The following HPSE variants were observed in gnomAD, a reference collection of about 807,000 sequenced individuals.
HPSE encodes the protein endo-glucoronidase.
In HPSE, 48 loss-of-function variants were observed where a neutral mutation model predicts 65.1. The ratio of observed to expected loss-of-function variants is 0.74; its 90% CI spans 0.58 to 0.94. The LOEUF is 0.94. HPSE is among the 40% of genes least tolerant of loss of function. HPSE has a pLI of 0.00. For missense variants in HPSE, 644 were observed against 637.5 expected (o/e 1.01, Z -0.11); for synonymous variants, 243 against 260.0 (o/e 0.93, Z 0.63).
At position 83,294,420 on chromosome 4, in the gene HPSE, A is replaced by G. The variant is rs1449296037; in HGVS notation, c.*924T>C. The G allele has an allele frequency of 6.6e-6, 1 of 152,162 alleles. No homozygotes were observed. Among genetic ancestry groups the G allele is most frequent in the Non-Finnish European group, 1.5e-5 (1 of 68,066 alleles). The allele number at this position is 152,162 out of a possible 1,614,324, so 9.4% of individuals were successfully genotyped here. A position where few individuals can be genotyped will look rare whatever the true frequency, so the allele number is the denominator to read the frequency against. On this transcript the variant is annotated 3_prime_UTR_variant, in exon 12 of 12. Transcript: ENST00000311412. ...GTGGCTAATCGCTGTCCCCACAGGT[A>G]TTATAGTCTTTCGCTGACTAGCAAC...
Position 83,313,257 on chromosome 4 carries a change from G to C in HPSE, c.530C>G (p.Ala177Gly), listed in dbSNP as rs200013026. The C allele has an allele frequency of 2.6e-4, 425 of 1,613,682 alleles. No individual in the cohort carries two copies. The highest frequency in any genetic ancestry group is 5.2e-4 in the Admixed American group (31 of 59,930). Reference protein sequence around the residue: ...RSSVDVLYTFANCSGLDLIFG... With the variant: ...RSSVDVLYTFGNCSGLDLIFG... Reference sequence around the variant, plus strand: ...GATCAAGTCCAGTCCTGAGCAGTTTGCAAAAGTGTATAGCACATCTACAGA... The same window carrying C: ...GATCAAGTCCAGTCCTGAGCAGTTTCCAAAAGTGTATAGCACATCTACAGA... The change falls in exon 4 of 12, where the codon GCA becomes GGA. Residue 177 changes from alanine (A) to glycine (G), a missense_variant. Physicochemically the swap from Ala to Gly is moderately conservative, Grantham distance 60. Transcript: ENST00000311412.
chr4:83,322,406 A>C lies in HPSE; in HGVS notation c.228-42T>G, dbSNP rs748174160. On this transcript the variant is annotated intron_variant, in intron 1 of 11. Transcript: ENST00000311412. ...CAAGAAAGTATAACTATTTTTTCCAAGACAATCTAGTCAAACATTCTTACT... is the reference window on the plus strand; with the variant it reads ...CAAGAAAGTATAACTATTTTTTCCACGACAATCTAGTCAAACATTCTTACT... 5 of 1,532,548 alleles carry C rather than the reference A, an allele frequency of 3.3e-6. No individual in the cohort carries two copies. In the African/African-American group the frequency reaches 6.9e-5, roughly 21 times the overall value. 94.9% of individuals were successfully genotyped at this position (1,532,548 alleles called of 1,614,324 possible). A position where few individuals can be genotyped will look rare whatever the true frequency, so the allele number is the denominator to read the frequency against.
At chr4:83,307,727 T>C in intron 8 of HPSE, among the ~76,000 whole-genome samples, 1 of 152,138 alleles carries the variant, frequency 6.6e-6, no homozygotes, top group East Asian at 1.9e-4. Flanking sequence ...AACAAACATC[T>C]CCATTCTTTA....
chr4:83,332,164 T>A (rs1389881603), intron 1 of HPSE, among the ~76,000 whole-genome samples: 2 of 152,244 alleles, frequency 1.3e-5, no homozygotes, highest in Non-Finnish European at 2.9e-5. Flanking sequence ...CGCCCACACA[T>A]CTTCACTTTT....
chr4:83,301,060 G>A lies in HPSE; in HGVS notation c.1372C>T (p.His458Tyr). ...AACCGCAAGTACTTGGTGACATTAT[G>A]GAGGTTTATGGCATACAGAGTTAAA... ...GDLTLYAINL[H>Y]NVTKYLRLPY... The change falls in exon 11 of 12, where the codon CAT (histidine) becomes TAT (tyrosine). Residue 458 changes from histidine (H) to tyrosine (Y), a missense_variant. Transcript: ENST00000311412. The A allele has an allele frequency of 6.2e-7, 1 of 1,606,556 alleles. No homozygotes were observed. The highest frequency in any genetic ancestry group is 8.5e-7 in the Non-Finnish European group (1 of 1,175,242).
intron 11 of HPSE, among the ~76,000 whole-genome samples, chr4:83,295,939 A>G (rs1735707587): frequency 6.6e-6 from 1 of 152,222 alleles, no homozygotes; most frequent in African/African-American, 2.4e-5. Context: ...TTTAGCATAA[A>G]TGGTAGCCAA....
At chr4:83,309,001 G>C in intron 7 of HPSE, 50 bp from the exon 8 acceptor site, 1 of 1,442,482 alleles carries the variant, frequency 6.9e-7, no homozygotes, top group Non-Finnish European at 9.8e-7. Context: ...CTGACCTGTG[G>C]TTTCAACTGT....
At chr4:83,329,308 C>T (rs1354556478) in intron 1 of HPSE, among the ~76,000 whole-genome samples, 1 of 152,036 alleles carries the variant, frequency 6.6e-6, no homozygotes, top group African/African-American at 2.4e-5. Flanking sequence ...TTTCCATTTC[C>T]AGGTTTTTGG....
chr4:83,313,149 G>A lies in HPSE; in HGVS notation c.638C>T (p.Ser213Phe). Reference sequence around the variant, plus strand: ...TTCCCAAGAAATGTTATACCCCTTGGAAGAGCAGTAGTCCAGGAGCAACTG... The same window carrying A: ...TTCCCAAGAAATGTTATACCCCTTGAAAGAGCAGTAGTCCAGGAGCAACTG... ...NAQLLLDYCS[S>F]KGYNISWELG... is the part of the protein sequence containing the mutation. The change falls in exon 4 of 12, where the codon TCC (serine) becomes TTC (phenylalanine). Residue 213 changes from serine (S) to phenylalanine (F), a missense_variant. Coordinates refer to ENST00000311412, the MANE Select transcript of HPSE (RefSeq NM_001098540.3). 6.2e-7 allele frequency: 1 copy of A among 1,613,870 alleles called. No individual in the cohort carries two copies. The highest frequency in any genetic ancestry group is 1.1e-5 in the South Asian group (1 of 91,078).
intron 3 of HPSE, among the ~76,000 whole-genome samples, chr4:83,317,047 C>T (rs1030165498): frequency 3.3e-5 from 5 of 152,026 alleles, no homozygotes; most frequent in East Asian, 1.9e-4. Flanking sequence ...TACAGGCGCC[C>T]GCCACCATGC....
chr4:83,332,617 G>A (rs187722910), intron 1 of HPSE, among the ~76,000 whole-genome samples: 1 of 152,360 alleles, frequency 6.6e-6, no homozygotes, highest in Non-Finnish European at 1.5e-5. Flanking sequence ...GGTGCTCTGG[G>A]AAATGAAGAG....
chr4:83,312,915 G>C, intron 4 of HPSE, among the ~76,000 whole-genome samples, 199 bp downstream of exon 4: 1 of 52,008 alleles, frequency 1.9e-5, no homozygotes, highest in Admixed American at 1.6e-4. Flanking sequence ...CCAGCTACTC[G>C]GGAGGCTGAG....
intron 10 of HPSE, among the ~76,000 whole-genome samples, chr4:83,301,500 T>C (rs1735945851): frequency 6.6e-6 from 1 of 152,202 alleles, no homozygotes; most frequent in African/African-American, 2.4e-5. Context: ...CAGGGGCTTT[T>C]CCTAGCCTTA....
chr4:83,295,385 A>G lies in HPSE; in HGVS notation c.1591T>C (p.Phe531Leu). 1 of 1,611,824 alleles carries G rather than the reference A, an allele frequency of 6.2e-7. No individual in the cohort carries two copies. Among genetic ancestry groups the G allele is most frequent in the South Asian group, 1.1e-5 (1 of 90,712 alleles). ...SLGLPAFSYS[F>L]FVIRNAKVAA... ...ACTTTGGCATTTCTTATCACAAAAAAACTATATGAGAAAGCTGGCAAGCCC... is the reference window on the plus strand; with the variant it reads ...ACTTTGGCATTTCTTATCACAAAAAGACTATATGAGAAAGCTGGCAAGCCC... The change falls in exon 12 of 12, where the codon TTT (phenylalanine) becomes CTT (leucine). Residue 531 changes from phenylalanine to leucine, a missense_variant. Transcript: ENST00000311412.
chr4:83,330,452 C>T (rs1737319802), intron 1 of HPSE, among the ~76,000 whole-genome samples: 1 of 152,196 alleles, frequency 6.6e-6, no homozygotes, highest in Admixed American at 6.5e-5. Context: ...GTGATTGTCC[C>T]CAGCCCTTTG....
rs541462031 is a variant in HPSE at position 83,322,309 on chromosome 4, C to T, written c.283G>A (p.Gly95Ser). ...ATTAGGAAGTCTGTCTTGGTGCCAC[C>T]AAACCTCAGGTACGCAGGAGACAAG... ...RGLSPAYLRF[G>S]GTKTDFLIFD... The change falls in exon 2 of 12, where the codon GGT becomes AGT. Residue 95 changes from glycine to serine, a missense_variant. Physicochemically the swap from Gly to Ser is moderately conservative, Grantham distance 56. Coordinates refer to ENST00000311412, the MANE Select transcript of HPSE (RefSeq NM_001098540.3). The T allele has an allele frequency of 1.9e-6, 3 of 1,613,756 alleles. No homozygotes were observed. The highest frequency in any genetic ancestry group is 2.2e-5 in the South Asian group (2 of 91,030).
Position 83,309,473 on chromosome 4 carries a change from C to T in HPSE, c.913G>A (p.Ala305Thr). 2 of 1,560,840 alleles carry T rather than the reference C, an allele frequency of 1.3e-6. No individual in the cohort carries two copies. The highest frequency in any genetic ancestry group is 1.8e-6 in the Non-Finnish European group (2 of 1,139,154). Residue 305 changes from alanine (A) to threonine (T), a missense_variant, in exon 7 of 12, where the codon GCT becomes ACT. Physicochemically the swap from Ala to Thr is moderately conservative, Grantham distance 58. Coordinates refer to ENST00000311412, the MANE Select transcript of HPSE (RefSeq NM_001098540.3). ...WHHYYLNGRT[A>T]TKEDFLNPDV... Reference sequence around the variant, plus strand: ...GGGTTTAGAAAATCTTCCTTGGTAGCAGTCCGTCCATTCAAATAGTAGCTA... The same window carrying T: ...GGGTTTAGAAAATCTTCCTTGGTAGTAGTCCGTCCATTCAAATAGTAGCTA...
chr4:83,323,812 T>A (rs954534676), intron 1 of HPSE, among the ~76,000 whole-genome samples: 1 of 152,160 alleles, frequency 6.6e-6, no homozygotes, highest in Admixed American at 6.5e-5. Flanking sequence ...TGGTACCAAA[T>A]GCTAGAAAAT....
chr4:83,321,177 A>G (rs1341404622), intron 2 of HPSE, among the ~76,000 whole-genome samples: 1 of 152,150 alleles, frequency 6.6e-6, no homozygotes, highest in African/African-American at 2.4e-5. Flanking sequence ...CAGCCTGGGC[A>G]ACAGAGTGGG....
Sources: allele counts gnomAD v4.1 joint callset (sites outside exome capture counted in the v4.1 genomes callset), GRCh38; gene constraint gnomAD v4.1.1; transcripts MANE v1.5; gene names NCBI Gene and HGNC (gene_info 2026-07-23, HGNC 2026-07-21).